Variants in DLC1 observed in about 807,000 individuals in gnomAD.
DLC1 encodes the protein DLC1 Rho GTPase activating protein.
DLC1 carries 54 observed loss-of-function variants against 140.3 expected under a neutral mutation model. The observed-to-expected ratio is 0.38, with a 90% CI of 0.31 to 0.48. The LOEUF is 0.48. Ranked by LOEUF, DLC1 falls within the 20% of genes least tolerant of loss-of-function variation. The probability of loss-of-function intolerance (pLI) is 0.96; values close to 1 mark genes in which losing one functional copy is unlikely to be tolerated. For missense variants in DLC1, 2,536 were observed against 1,907.0 expected (o/e 1.33, Z -6.14); for synonymous variants, 986 against 728.1 (o/e 1.35, Z -5.70).
intron 5 of DLC1, among the ~76,000 whole-genome samples, chr8:13,128,629 C>G (rs866413122): frequency 5.9e-5 from 9 of 152,072 alleles, no homozygotes; most frequent in Admixed American, 2.6e-4. Context: ...TCAGGAGATC[C>G]AGACCATCCT....
At chr8:13,371,332 A>C (rs1244708198) in intron 4 of DLC1, among the ~76,000 whole-genome samples, 1 of 152,114 alleles carries the variant, frequency 6.6e-6, no homozygotes, top group Non-Finnish European at 1.5e-5. Context: ...TTCTGTCCCC[A>C]TTCAAAAGAG....
intron 5 of DLC1, among the ~76,000 whole-genome samples, chr8:13,256,514 A>T (rs1379671454): frequency 2.0e-5 from 3 of 152,252 alleles, no homozygotes; most frequent in Non-Finnish European, 2.9e-5. Context: ...AATGTGGCAC[A>T]TATACACCAT....
At chr8:13,217,067 A>G (rs1184607473) in intron 5 of DLC1, among the ~76,000 whole-genome samples, 1 of 152,176 alleles carries the variant, frequency 6.6e-6, no homozygotes, top group African/African-American at 2.4e-5. Flanking sequence ...AATTGGAGCC[A>G]GCAATCACAT....
chr8:13,288,042 G>A (rs1322521129), intron 5 of DLC1, among the ~76,000 whole-genome samples: 1 of 152,016 alleles, frequency 6.6e-6, no homozygotes, highest in Non-Finnish European at 1.5e-5. Context: ...ATGAGCAATG[G>A]TTGAATTATA....
At chr8:13,513,836 G>C (rs956500739) in intron 1 of DLC1, among the ~76,000 whole-genome samples, 1 of 152,122 alleles carries the variant, frequency 6.6e-6, no homozygotes, top group Admixed American at 6.6e-5. Flanking sequence ...ATTTCTGGCT[G>C]CCTTAAAAGA....
At chr8:13,248,889 C>G (rs1307601982) in intron 5 of DLC1, among the ~76,000 whole-genome samples, 2 of 152,128 alleles carry the variant, frequency 1.3e-5, no homozygotes, top group African/African-American at 4.8e-5. Context: ...TGACTAATTA[C>G]CACTGTAGAA....
chr8:13,282,397 T>C (rs143045921), intron 5 of DLC1, among the ~76,000 whole-genome samples: 2 of 152,202 alleles, frequency 1.3e-5, no homozygotes, highest in South Asian at 2.1e-4. Flanking sequence ...AACTTTTTTC[T>C]ATGTCATGAT....
chr8:13,486,534 C>T (rs560766377), intron 2 of DLC1, among the ~76,000 whole-genome samples: 4 of 152,278 alleles, frequency 2.6e-5, no homozygotes, highest in African/African-American at 9.6e-5. Flanking sequence ...GGGGCAGCAA[C>T]TTCACACTGG....
intron 5 of DLC1, among the ~76,000 whole-genome samples, chr8:13,178,656 T>TA (rs1825880035): frequency 6.6e-6 from 1 of 151,632 alleles, no homozygotes; most frequent in Non-Finnish European, 1.5e-5. Context: ...AGAAGGTTTT[T>TA]TTTTTTGCAA....
At chr8:13,122,549 A>G (rs1192177175) in intron 5 of DLC1, among the ~76,000 whole-genome samples, 1 of 152,234 alleles carries the variant, frequency 6.6e-6, no homozygotes, top group Non-Finnish European at 1.5e-5. Flanking sequence ...GAAAACGATG[A>G]CTTGAATCTC....
intron 5 of DLC1, among the ~76,000 whole-genome samples, chr8:13,242,201 A>G (rs889119018): frequency 2.0e-5 from 3 of 152,030 alleles, no homozygotes; most frequent in Non-Finnish European, 4.4e-5. Context: ...TCCTCTGCCA[A>G]TTTCTCTAGG....
intron 1 of DLC1, among the ~76,000 whole-genome samples, chr8:13,579,129 C>T (rs1311683731): frequency 6.7e-6 from 1 of 149,032 alleles, no homozygotes; most frequent in Admixed American, 6.8e-5. Context: ...TAAATGACAA[C>T]GGTGTTAGGA....
chr8:13,344,813 C>T (rs1289870721), intron 4 of DLC1, among the ~76,000 whole-genome samples: 3 of 152,156 alleles, frequency 2.0e-5, no homozygotes, highest in Middle Eastern at 3.4e-3. Context: ...AGAGCAATAA[C>T]GACAGTGGGT....
chr8:13,186,062 T>C (rs891487319), intron 5 of DLC1, among the ~76,000 whole-genome samples: 1 of 152,142 alleles, frequency 6.6e-6, no homozygotes, highest in Admixed American at 6.6e-5. Context: ...CCGACCTTTC[T>C]CTCTGGCTGC....
intron 4 of DLC1, among the ~76,000 whole-genome samples, chr8:13,364,658 A>G (rs990503067): frequency 2.0e-5 from 3 of 152,196 alleles, no homozygotes; most frequent in African/African-American, 7.2e-5. Flanking sequence ...TACATGAACC[A>G]TGCAAGCACA....
intron 5 of DLC1, among the ~76,000 whole-genome samples, chr8:13,169,542 AG>A (rs1392560982): frequency 6.6e-6 from 1 of 152,152 alleles, no homozygotes; most frequent in African/African-American, 2.4e-5. Context: ...TGGTCAAGTG[AG>A]GGGGTACTTA....
At position 13,568,260 on chromosome 8, in the gene DLC1, T is replaced by C. The variant is rs536722474; in HGVS notation, c.-126+36277A>G. On this transcript the variant is annotated intron_variant, in intron 1 of 1. Coordinates refer to the DLC1 transcript ENST00000631382. ...TTGGCGATCAAATGGCTATGGGGAA[T>C]TAATAAATAGTAGATGTTTGAAATG... 5.2e-4 allele frequency: 126 copies of C among 243,656 alleles called. 1 individual carries two copies. The highest frequency in any genetic ancestry group is 1.0e-4 in the Non-Finnish European group (12 of 117,740). 15.1% of individuals were successfully genotyped at this position (243,656 alleles called of 1,614,324 possible).
intron 1 of DLC1, among the ~76,000 whole-genome samples, chr8:13,583,699 G>A (rs528813497): frequency 3.3e-5 from 5 of 152,112 alleles, no homozygotes; most frequent in Non-Finnish European, 7.4e-5. Context: ...GCGAAATATC[G>A]ATTAAAAAAG....
intron 3 of DLC1, among the ~76,000 whole-genome samples, chr8:13,397,067 G>C (rs1303915003): frequency 6.6e-6 from 1 of 151,970 alleles, no homozygotes; most frequent in Non-Finnish European, 1.5e-5. Flanking sequence ...CTCTCTGTGG[G>C]GTTTTTATCA....
Sources: gnomAD v4.1 joint callset for allele counts (sites outside exome capture counted in the v4.1 genomes callset) on GRCh38, gnomAD v4.1.1 for gene constraint, MANE v1.5 for transcripts, NCBI Gene and HGNC (gene_info 2026-07-23, HGNC 2026-07-21) for gene names.